The following KANSL1 variants were observed in gnomAD, a reference collection of about 807,000 sequenced individuals.
KANSL1 encodes the protein KAT8 regulatory NSL complex subunit 1, also known as MLL1/MLL complex subunit KANSL1.
A neutral mutation model predicts 103.6 loss-of-function variants in KANSL1; 22 were observed. That is an observed-to-expected ratio of 0.21 (90% CI 0.15 to 0.30). The LOEUF is 0.30. KANSL1 is among the 10% of genes least tolerant of loss of function. The pLI, the probability that KANSL1 is intolerant of heterozygous loss-of-function variation, is 1.00. For synonymous variants in KANSL1, 600 were observed against 527.6 expected (o/e 1.14, Z -1.88); for missense variants, 1,337 against 1,399.8 (o/e 0.96, Z 0.72).
At chr17:46,123,659 C>G (rs9890018) in intron 2 of KANSL1, among the ~76,000 whole-genome samples, 1 of 152,198 alleles carries the variant, frequency 6.6e-6, no homozygotes, top group African/African-American at 2.4e-5. Context: ...TAATCCAGAA[C>G]AAGACCCTAA....
At chr17:46,198,229 C>T (rs562746605), upstream of KANSL1, among the ~76,000 whole-genome samples, 19 of 152,232 alleles carry the variant, frequency 1.2e-4, no homozygotes, top group South Asian at 8.3e-4. Context: ...GGGCAAAGTA[C>T]GTATTCTGCT....
chr17:46,105,819 C>T (rs959741657), intron 2 of KANSL1, among the ~76,000 whole-genome samples: 1 of 150,958 alleles, frequency 6.6e-6, no homozygotes, highest in African/African-American at 2.4e-5. Context: ...TGCAGTGAGT[C>T]GAGACTGCGC....
At chr17:46,172,596 A>G (rs1456028446) in intron 1 of KANSL1, among the ~76,000 whole-genome samples, 2 of 152,276 alleles carry the variant, frequency 1.3e-5, no homozygotes, top group Non-Finnish European at 2.9e-5. Flanking sequence ...AAAGCAAGAC[A>G]CATCAAACTA....
chr17:46,057,950 G>A (rs2077991859), intron 6 of KANSL1, among the ~76,000 whole-genome samples: 1 of 152,224 alleles, frequency 6.6e-6, no homozygotes. Context: ...GTATAACACT[G>A]AGAAATAAAT....
upstream of KANSL1, chr17:46,196,298 A>G (rs62060955): frequency 0.12 from 53,933 of 443,318 alleles, no homozygotes; most frequent in Non-Finnish European, 0.17. Context: ...TGGAATAGTC[A>G]TGTTGACTCT....
chr17:46,220,758 C>A (rs1312365077), intron 1 of KANSL1, among the ~76,000 whole-genome samples: 1 of 152,226 alleles, frequency 6.6e-6, no homozygotes, highest in Non-Finnish European at 1.5e-5. Context: ...GTGATCTCAG[C>A]TCACTGCAAG....
chr17:46,098,967 G>A (rs1426492188), intron 2 of KANSL1, among the ~76,000 whole-genome samples: 1 of 152,202 alleles, frequency 6.6e-6, no homozygotes, highest in Admixed American at 6.5e-5. Context: ...ATACTCCAGT[G>A]GCAGAGCAGA....
At chr17:46,125,026 G>GGTAGAGA (rs1476804964) in intron 2 of KANSL1, among the ~76,000 whole-genome samples, 1 of 83,588 alleles carries the variant, frequency 1.2e-5, no homozygotes, top group Non-Finnish European at 2.9e-5. Flanking sequence ...AGGGAAGGGA[G>GGTAGAGA]GGGAGGTAGG....
chr17:46,036,995 G>A (rs2077170710), intron 10 of KANSL1, among the ~76,000 whole-genome samples: 2 of 152,166 alleles, frequency 1.3e-5, no homozygotes, highest in South Asian at 2.1e-4. Context: ...GATTATAGGT[G>A]AGCGCCACTG....
rs961151694 is a variant in KANSL1 at position 46,082,912 on chromosome 17, GACTT to G, written c.1432-374_1432-371del. Among the ~76,000 whole-genome samples, 114 of 152,194 alleles carry G rather than the reference GACTT, an allele frequency of 7.5e-4. 1 individual carries two copies. The highest frequency in any genetic ancestry group is 2.6e-3 in the African/African-American group (106 of 41,536). ...TTTGTAGCCAACAAATGCAGTTTAT[GACTT>G]ACTAAGCTGAAAATGCTACTATTCT... is the stretch of plus-strand genomic sequence containing the variant. On this transcript the variant is annotated intron_variant, in intron 3 of 14. Transcript: ENST00000432791.
intron 2 of KANSL1, among the ~76,000 whole-genome samples, chr17:46,138,050 A>G (rs2044241307): frequency 6.6e-6 from 1 of 152,078 alleles, no homozygotes; most frequent in Non-Finnish European, 1.5e-5. Flanking sequence ...GCCCTACACC[A>G]TCAAGTTAGC....
intron 4 of KANSL1, among the ~76,000 whole-genome samples, chr17:46,069,682 T>C (rs938190941): frequency 6.6e-6 from 1 of 151,626 alleles, no homozygotes; most frequent in Non-Finnish European, 1.5e-5. Flanking sequence ...GAAGTGGAGG[T>C]TGCAGTGAGC....
At chr17:46,039,430 C>T (rs2077248026) in intron 8 of KANSL1, 1 of 604,132 alleles carries the variant, frequency 1.7e-6, no homozygotes, top group African/African-American at 1.9e-5. Flanking sequence ...ATACAGAAGA[C>T]ACCTGCCCGT....
At chr17:46,144,105 A>C (rs1439805552) in intron 2 of KANSL1, among the ~76,000 whole-genome samples, 1 of 152,242 alleles carries the variant, frequency 6.6e-6, no homozygotes, top group East Asian at 1.9e-4. Context: ...GGAAAACGAA[A>C]AATTATAATT....
At chr17:46,033,824 C>A (rs1479649389) in intron 11 of KANSL1, among the ~76,000 whole-genome samples, 2 of 152,182 alleles carry the variant, frequency 1.3e-5, no homozygotes, top group East Asian at 3.8e-4. Flanking sequence ...TGTTTGGCAA[C>A]AAAAGCTGGA....
intron 3 of KANSL1, among the ~76,000 whole-genome samples, chr17:46,087,196 T>G (rs1314428438): frequency 1.3e-5 from 2 of 152,238 alleles, no homozygotes; most frequent in African/African-American, 2.4e-5. Context: ...CTTCTTCATT[T>G]GTTCAGAGGA....
At chr17:46,100,817 A>T (rs1226087455) in intron 2 of KANSL1, among the ~76,000 whole-genome samples, 3 of 152,192 alleles carry the variant, frequency 2.0e-5, no homozygotes, top group Non-Finnish European at 4.4e-5. Context: ...ATTAACATAA[A>T]TTTTTTTAAA....
intron 1 of KANSL1, among the ~76,000 whole-genome samples, chr17:46,204,608 A>C (rs1597964430): frequency 6.6e-6 from 1 of 152,276 alleles, no homozygotes; most frequent in Non-Finnish European, 1.5e-5. Context: ...TCATTCAATA[A>C]AGCCATTATT....
At chr17:46,043,187 C>T (rs967074598) in intron 7 of KANSL1, 1 of 152,090 alleles carries the variant, frequency 6.6e-6, no homozygotes, top group African/African-American at 2.4e-5. Context: ...AGAGTTACTC[C>T]CACTTGGCAA....
Sources: allele counts gnomAD v4.1 joint callset (sites outside exome capture counted in the v4.1 genomes callset), GRCh38; gene constraint gnomAD v4.1.1; transcripts MANE v1.5; gene names NCBI Gene and HGNC (gene_info 2026-07-23, HGNC 2026-07-21).